Variants in RASGEF1A observed in about 807,000 individuals in gnomAD.
RASGEF1A encodes the protein RasGEF domain family member 1A.
Under a neutral mutation model 56.4 loss-of-function variants are expected in RASGEF1A, and 18 were observed. That is an observed-to-expected ratio of 0.32 (90% CI 0.22 to 0.47). RASGEF1A has a LOEUF of 0.47. Among genes scored for constraint, RASGEF1A ranks in the 20% least tolerant of loss-of-function variants. The pLI is 1.00. For synonymous variants in RASGEF1A, 245 were observed against 242.6 expected, an observed-to-expected ratio of 1.01 and a Z score of -0.09; for missense variants, 422 against 627.1, an observed-to-expected ratio of 0.67 and a Z score of 3.49.
chr10:43,234,313 G>T (rs1450913903), intron 1 of RASGEF1A, among the ~76,000 whole-genome samples: 1 of 152,210 alleles, frequency 6.6e-6, no homozygotes, highest in Non-Finnish European at 1.5e-5. Context: ...GGGAAGAAGG[G>T]ATGTGGAGGA....
chr10:43,198,073 G>C lies in RASGEF1A; in HGVS notation c.1155C>G (p.Phe385Leu), dbSNP rs762360778. Reference sequence around the variant, plus strand: ...TGTGCAGGAAGTAGATGTCCTTAACGAAGAGGTTGAACACAGGGATGACGA... The same window carrying C: ...TGTGCAGGAAGTAGATGTCCTTAACCAAGAGGTTGAACACAGGGATGACGA... ...EKIVIPVFNLFVKDIYFLHKI... is the reference protein window; with the variant it reads ...EKIVIPVFNLLVKDIYFLHKI... The change falls in exon 10 of 13, where the codon TTC (phenylalanine) becomes TTG (leucine). Residue 385 changes from phenylalanine (F) to leucine (L), a missense_variant. Phe to Leu is a conservative substitution (Grantham distance 22). Around this residue, in one of 2 missense-constraint regions of RASGEF1A, gnomAD observed 149 missense variants for 287.2 expected, o/e 0.52. Coordinates refer to ENST00000395810, the MANE Select transcript of RASGEF1A (RefSeq NM_145313.4). 1 of 1,614,162 alleles carries C rather than the reference G, an allele frequency of 6.2e-7. No individual in the cohort carries two copies.
At chr10:43,231,084 G>A (rs943940634) in intron 1 of RASGEF1A, among the ~76,000 whole-genome samples, 1 of 152,208 alleles carries the variant, frequency 6.6e-6, no homozygotes. Flanking sequence ...GGCAGTGCGG[G>A]GAGTACGAGG....
In RASGEF1A at chr10:43,196,872, G is replaced by T; in HGVS notation, c.1348+104C>A. 7.1e-7 allele frequency: 1 copy of T among 1,407,632 alleles called. No individual in the cohort carries two copies. Among genetic ancestry groups the T allele is most frequent in the Non-Finnish European group, 9.7e-7 (1 of 1,027,972 alleles). 87.2% of individuals were successfully genotyped at this position (1,407,632 alleles called of 1,614,324 possible). A position where few individuals can be genotyped will look rare whatever the true frequency, so the allele number is the denominator to read the frequency against. On this transcript the variant is annotated intron_variant, in intron 11 of 12. Transcript: ENST00000395810. This position sits in a 1 kb window ranked among gnomAD's most constrained non-coding sequence, Gnocchi z 4.6. ...AGCAGAGCCAGCCCTGTGTGGCATG[G>T]AGCAGCCAGCAGGCCATCTCCCAGG... is the stretch of plus-strand genomic sequence containing the variant.
chr10:43,250,284 G>A (rs1034071911), intron 1 of RASGEF1A, among the ~76,000 whole-genome samples: 1 of 152,210 alleles, frequency 6.6e-6, no homozygotes, highest in African/African-American at 2.4e-5. Context: ...CTGGAATGGG[G>A]GAATGGGGAG....
chr10:43,213,208 A>G (rs573352641), intron 1 of RASGEF1A, among the ~76,000 whole-genome samples: 1 of 151,774 alleles, frequency 6.6e-6, no homozygotes, highest in South Asian at 2.1e-4. Context: ...AATGTATTGT[A>G]TACTTCAAAA....
chr10:43,233,532 C>G (rs1179019191), intron 1 of RASGEF1A, among the ~76,000 whole-genome samples: 2 of 152,196 alleles, frequency 1.3e-5, no homozygotes, highest in Non-Finnish European at 2.9e-5. Context: ...GAGCACCCAG[C>G]TCCATGACTC....
intron 1 of RASGEF1A, among the ~76,000 whole-genome samples, chr10:43,256,546 T>C (rs973568504): frequency 1.4e-4 from 21 of 152,134 alleles, no homozygotes; most frequent in African/African-American, 4.6e-4. Context: ...GAGTGGCCTC[T>C]CCAGGATCCC....
chr10:43,211,900 G>C (rs541056215), intron 1 of RASGEF1A, among the ~76,000 whole-genome samples: 161 of 152,316 alleles, frequency 1.1e-3, no homozygotes, highest in African/African-American at 3.8e-3. Context: ...CTCCCTGCAG[G>C]GTTGCAGTGA....
intron 1 of RASGEF1A, chr10:43,208,307 G>T (rs1356821015): frequency 2.0e-6 from 2 of 985,728 alleles, no homozygotes; most frequent in South Asian, 4.7e-5. Context: ...GTATGTGGGG[G>T]ATGCACTCTG....
chr10:43,242,642 C>T (rs138298642), intron 1 of RASGEF1A, among the ~76,000 whole-genome samples: 1 of 152,252 alleles, frequency 6.6e-6, no homozygotes, highest in Non-Finnish European at 1.5e-5. Flanking sequence ...CGGTGATTCT[C>T]CTGCCTCGGC....
At chr10:43,208,949 T>C (rs74941445) in intron 1 of RASGEF1A, 55,445 of 985,384 alleles carry the variant, frequency 0.056, 1,650 homozygotes, top group South Asian at 0.093. Context: ...AGCTGTGAAA[T>C]GGTGATGATG....
At chr10:43,244,446 C>T (rs1312435087) in intron 1 of RASGEF1A, among the ~76,000 whole-genome samples, 2 of 150,866 alleles carry the variant, frequency 1.3e-5, no homozygotes, top group African/African-American at 4.9e-5. Flanking sequence ...TTTAAGCCAA[C>T]TAGACCTAAC....
intron 1 of RASGEF1A, among the ~76,000 whole-genome samples, chr10:43,213,065 A>G (rs1840090029): frequency 6.6e-6 from 1 of 152,360 alleles, no homozygotes; most frequent in Non-Finnish European, 1.5e-5. Flanking sequence ...GGAGGTAGAC[A>G]GTAGAATAAT....
intron 1 of RASGEF1A, among the ~76,000 whole-genome samples, chr10:43,265,522 T>C (rs1051319082): frequency 1.3e-5 from 2 of 152,234 alleles, no homozygotes; most frequent in Admixed American, 1.3e-4. Context: ...CCCACCCACG[T>C]GTCCCTGGCC....
rs141665216 is a variant in RASGEF1A, at chr10:43,247,978, C to T, written c.-7+18867G>A. ...CTTTGGGAGGCTGAGGTGGGAGGATCACTTGAGCTCAGGAGTTTGAGACCA... is the reference window on the plus strand; with the variant it reads ...CTTTGGGAGGCTGAGGTGGGAGGATTACTTGAGCTCAGGAGTTTGAGACCA... On this transcript the variant is annotated intron_variant, in intron 1 of 12. Transcript: ENST00000395810. 3.6e-3 allele frequency among the ~76,000 whole-genome samples: 550 copies of T among 151,276 alleles called. 8 individuals carry two copies. The East Asian group carries it at 0.046, about 13-fold the overall frequency.
chr10:43,216,127 A>G (rs77421769), intron 1 of RASGEF1A, among the ~76,000 whole-genome samples: 8,526 of 152,260 alleles, frequency 0.056, 621 homozygotes, highest in African/African-American at 0.17. Context: ...ATGTGCCAGG[A>G]TCAGGGTCCC....
intron 1 of RASGEF1A, among the ~76,000 whole-genome samples, chr10:43,236,255 C>A (rs1840429506): frequency 6.6e-6 from 1 of 152,210 alleles, no homozygotes; most frequent in South Asian, 2.1e-4. Flanking sequence ...CCCCAAGCAC[C>A]TCCCTGGAGC....
intron 1 of RASGEF1A, among the ~76,000 whole-genome samples, chr10:43,237,502 G>A (rs11238484): frequency 0.31 from 43,271 of 141,656 alleles, 6,361 homozygotes; most frequent in Non-Finnish European, 0.31. Context: ...CCAGACCACA[G>A]ACACAGTCCT....
chr10:43,266,439 G>T (rs1836625107), intron 1 of RASGEF1A, among the ~76,000 whole-genome samples: 1 of 151,996 alleles, frequency 6.6e-6, no homozygotes, highest in Non-Finnish European at 1.5e-5. Flanking sequence ...CAACTGCGCA[G>T]CCCTGAGCTC....
Sources: allele counts gnomAD v4.1 joint callset (sites outside exome capture counted in the v4.1 genomes callset), GRCh38; gene constraint gnomAD v4.1.1; regional missense constraint gnomAD v4.1.1; non-coding constraint Gnocchi (gnomAD v3.1); transcripts MANE v1.5; gene names NCBI Gene and HGNC (gene_info 2026-07-23, HGNC 2026-07-21).